Variants in ANKS1B observed in about 807,000 individuals in gnomAD.
ANKS1B encodes the protein ankyrin repeat and sterile alpha motif domain-containing protein 1B.
In ANKS1B, 36 loss-of-function variants were observed where a neutral mutation model predicts 148.3. The ratio of observed to expected loss-of-function variants is 0.24; its 90% CI spans 0.19 to 0.32. The LOEUF (loss-of-function observed/expected upper bound fraction) is 0.32, where lower values mean the gene tolerates loss of function less well. Among genes scored for constraint, ANKS1B ranks in the 10% least tolerant of loss-of-function variants. The pLI, the probability that ANKS1B is intolerant of heterozygous loss-of-function variation, is 1.00. For synonymous variants in ANKS1B, 542 were observed against 560.8 expected (o/e 0.97, Z 0.47); for missense variants, 1,157 against 1,542.6 (o/e 0.75, Z 4.19).
chr12:99,847,073 A>G (rs933451527), intron 1 of ANKS1B, among the ~76,000 whole-genome samples: 2 of 150,714 alleles, frequency 1.3e-5, no homozygotes, highest in Non-Finnish European at 3.0e-5. Flanking sequence ...GGACAGTGGC[A>G]GGGCCTCAGA....
At chr12:98,773,736 G>A (rs543666070) in intron 24 of ANKS1B, among the ~76,000 whole-genome samples, 27 of 152,288 alleles carry the variant, frequency 1.8e-4, no homozygotes, top group Admixed American at 5.9e-4. Context: ...GATTACAGGC[G>A]TGAGTCACCG....
chr12:99,658,686 A>C (rs1037983235), intron 8 of ANKS1B, among the ~76,000 whole-genome samples: 1 of 152,138 alleles, frequency 6.6e-6, no homozygotes, highest in African/African-American at 2.4e-5. Flanking sequence ...TAGTTTCCCT[A>C]TCTGAAAAAA....
intron 9 of ANKS1B, among the ~76,000 whole-genome samples, chr12:99,556,399 AT>A (rs979626413): frequency 1.3e-5 from 2 of 151,372 alleles, no homozygotes; most frequent in South Asian, 4.2e-4. Context: ...GGATTCAGTG[AT>A]TTTTTTTGGG....
chr12:98,995,569 G>A (rs921891910), intron 17 of ANKS1B, among the ~76,000 whole-genome samples: 6 of 152,200 alleles, frequency 3.9e-5, no homozygotes, highest in Non-Finnish European at 7.3e-5. Flanking sequence ...TTGATTAGCA[G>A]GCCAGTGGTT....
intron 17 of ANKS1B, among the ~76,000 whole-genome samples, chr12:98,977,584 TAAAAA>T (rs1020070618): frequency 6.6e-6 from 1 of 152,080 alleles, no homozygotes; most frequent in Admixed American, 6.6e-5. Context: ...AGAAATCAAA[TAAAAA>T]AGAGACTGGC....
intron 1 of ANKS1B, among the ~76,000 whole-genome samples, chr12:99,921,282 G>C (rs2094344949): frequency 6.6e-6 from 1 of 152,018 alleles, no homozygotes. Context: ...TTTATAAGGG[G>C]CTCTTCCCCC....
At chr12:98,893,375 C>T (rs1050145468) in intron 17 of ANKS1B, among the ~76,000 whole-genome samples, 1 of 152,338 alleles carries the variant, frequency 6.6e-6, no homozygotes, top group Admixed American at 6.5e-5. Context: ...ACGAGCTCAT[C>T]TGCGGAGTAC....
intron 12 of ANKS1B, among the ~76,000 whole-genome samples, chr12:99,377,429 T>A (rs543424575): frequency 1.3e-5 from 2 of 152,144 alleles, no homozygotes; most frequent in African/African-American, 4.8e-5. Context: ...GCAGAAAACA[T>A]TGTAGACAGT....
At chr12:99,277,724 A>G (rs1466328372) in intron 12 of ANKS1B, among the ~76,000 whole-genome samples, 2 of 152,202 alleles carry the variant, frequency 1.3e-5, no homozygotes, top group Non-Finnish European at 2.9e-5. Context: ...TTGAACTGGT[A>G]TGAGTCACTA....
At chr12:99,115,835 G>A (rs1275641093) in intron 15 of ANKS1B, among the ~76,000 whole-genome samples, 1 of 151,572 alleles carries the variant, frequency 6.6e-6, no homozygotes, top group Non-Finnish European at 1.5e-5. Context: ...GGGAGGCTGA[G>A]GCAGGAGAAT....
Position 99,812,248 on chromosome 12 carries a change from A to G in ANKS1B, c.279T>C (p.Tyr93=). The G allele has an allele frequency of 1.9e-6, 3 of 1,612,020 alleles. No homozygotes were observed. The highest frequency in any genetic ancestry group is 2.5e-6 in the Non-Finnish European group (3 of 1,178,636). ...TCCAGGCAGCCAGGTGAATAGGAAA[A>G]TACCCTTTGTTGTCTGCTACATTTG... ...ASTNVADNKG[Y]FPIHLAAWKG... The change falls in exon 3 of 27, where the codon TAT becomes TAC. Residue 93 remains tyrosine, a synonymous_variant. Coordinates refer to ENST00000683438, the MANE Select transcript of ANKS1B (RefSeq NM_001352186.2).
chr12:99,692,063 T>A (rs893300673), intron 8 of ANKS1B, among the ~76,000 whole-genome samples: 5 of 152,088 alleles, frequency 3.3e-5, no homozygotes, highest in Admixed American at 2.6e-4. Context: ...TCTGTGAAAA[T>A]TTGTTGTTAA....
At chr12:99,586,193 C>T (rs2097637893) in intron 9 of ANKS1B, among the ~76,000 whole-genome samples, 1 of 152,174 alleles carries the variant, frequency 6.6e-6, no homozygotes, top group African/African-American at 2.4e-5. Flanking sequence ...ATCCAAGTCA[C>T]CTCTTGAACA....
chr12:98,999,769 G>A (rs79962711), intron 17 of ANKS1B, among the ~76,000 whole-genome samples: 26,278 of 152,144 alleles, frequency 0.17, 2,475 homozygotes, highest in Non-Finnish European at 0.21. Flanking sequence ...CGCGTGTGAA[G>A]GGCATGTGGT....
At chr12:99,594,988 T>C (rs1443400148) in intron 9 of ANKS1B, among the ~76,000 whole-genome samples, 3 of 152,028 alleles carry the variant, frequency 2.0e-5, no homozygotes, top group Non-Finnish European at 4.4e-5. Flanking sequence ...CAAGTGACTT[T>C]AAGTAAACCT....
At chr12:99,297,175 T>C (rs914977772) in intron 12 of ANKS1B, among the ~76,000 whole-genome samples, 4 of 152,184 alleles carry the variant, frequency 2.6e-5, no homozygotes, top group African/African-American at 7.2e-5. Flanking sequence ...TGAGAAATTA[T>C]AGGTATTTCC....
rs139890819 is a variant in ANKS1B at position 99,880,383 on chromosome 12, G to T, written c.135-54994C>A. 4.0e-4 allele frequency among the ~76,000 whole-genome samples: 61 copies of T among 152,270 alleles called. 1 individual carries two copies. The highest frequency in any genetic ancestry group is 1.4e-3 in the African/African-American group (58 of 41,560). On this transcript the variant is annotated intron_variant, in intron 1 of 26. Transcript: ENST00000683438. ...CAGGGATTCAATCTGAAGAAATCTG[G>T]TTCCATCGTCTTTGATCTTAACCAC...
At chr12:98,870,310 C>T (rs187021614) in intron 17 of ANKS1B, among the ~76,000 whole-genome samples, 1 of 152,330 alleles carries the variant, frequency 6.6e-6, no homozygotes, top group Admixed American at 6.5e-5. Flanking sequence ...GGTTCACTAG[C>T]AGCTATCTTC....
chr12:99,914,797 C>A (rs1053592775), intron 1 of ANKS1B, among the ~76,000 whole-genome samples: 1 of 152,052 alleles, frequency 6.6e-6, no homozygotes, highest in East Asian at 1.9e-4. Context: ...ACCCTCATCC[C>A]TTTCATAAAG....
Sources: allele counts gnomAD v4.1 joint callset (sites outside exome capture counted in the v4.1 genomes callset), GRCh38; gene constraint gnomAD v4.1.1; transcripts MANE v1.5; gene names NCBI Gene and HGNC (gene_info 2026-07-23, HGNC 2026-07-21).